KMT2C: variants seen among roughly 807,000 people sequenced by gnomAD.
KMT2C encodes lysine methyltransferase 2C.
In KMT2C, 88 loss-of-function variants were observed where a neutral mutation model predicts 507.9. The ratio of observed to expected loss-of-function variants is 0.17; its 90% CI spans 0.15 to 0.21. KMT2C has a LOEUF of 0.21. Among genes scored for constraint, KMT2C ranks in the 10% least tolerant of loss-of-function variants. KMT2C has a pLI of 1.00. For synonymous variants in KMT2C, 2,049 were observed against 2,080.8 expected, an observed-to-expected ratio of 0.98 and a Z score of 0.42; for missense variants, 4,954 against 5,957.8, an observed-to-expected ratio of 0.83 and a Z score of 5.55.
At chr7:152,313,830 A>G (rs1056113043) in intron 4 of KMT2C, among the ~76,000 whole-genome samples, 3 of 152,160 alleles carry the variant, frequency 2.0e-5, no homozygotes, top group Non-Finnish European at 2.9e-5. Context: ...CTATTTTTAT[A>G]TAATTATCTG....
intron 3 of KMT2C, among the ~76,000 whole-genome samples, chr7:152,315,732 C>T (rs2096716524): frequency 6.6e-6 from 1 of 152,132 alleles, no homozygotes; most frequent in Non-Finnish European, 1.5e-5. Context: ...GCCTGTCCAA[C>T]GTGGTGAAAC....
chr7:152,156,489 C>T (rs967427570), intron 44 of KMT2C, 143 bp from the exon 45 acceptor site: 1 of 1,026,596 alleles, frequency 9.7e-7, no homozygotes, highest in Admixed American at 2.9e-5. Flanking sequence ...ACCAAGAAAA[C>T]AATACCTACA....
chr7:152,293,538 CA>C (rs1028607835), intron 6 of KMT2C, among the ~76,000 whole-genome samples: 11 of 152,114 alleles, frequency 7.2e-5, no homozygotes. Flanking sequence ...ATGCATCCTT[CA>C]CAAGATATTT....
rs764989635 is a variant in KMT2C at position 152,162,642 on chromosome 7, T to C, written c.10935A>G (p.Ala3645=). 21 of 1,614,130 alleles carry C rather than the reference T, an allele frequency of 1.3e-5. No homozygotes were observed. The highest frequency in any genetic ancestry group is 1.1e-4 in the South Asian group (10 of 91,094). Residue 3645 remains alanine (A), a synonymous_variant, in exon 43 of 59, where the codon GCA becomes GCG. Coordinates refer to ENST00000262189, the MANE Select transcript of KMT2C (RefSeq NM_170606.3). ...PGISETTSTP[A]VSTPSELPQQ... is the part of the protein sequence containing the mutation. ...GAGGAAGCTCACTGGGTGTGCTCAC[T>C]GCAGGAGTAGAGGTAGTTTCTGAGA...
rs2096771861 is a variant in KMT2C at position 152,321,373 on chromosome 7, A to G, written c.390-6035T>C. ...TGAATATAAAATTGATATAAAATAT[A>G]AAATACTGAATATAAAAATTTCAAT... On this transcript the variant is annotated intron_variant, in intron 3 of 58. Transcript: ENST00000262189. Among the ~76,000 whole-genome samples, 4 of 151,636 alleles carry G rather than the reference A, an allele frequency of 2.6e-5. No individual in the cohort carries two copies. The South Asian group carries it at 8.3e-4, about 31-fold the overall frequency.
intron 6 of KMT2C, among the ~76,000 whole-genome samples, chr7:152,298,432 A>T (rs2096535797): frequency 1.3e-5 from 2 of 152,214 alleles, no homozygotes; most frequent in African/African-American, 4.8e-5. Context: ...TAGAAGAACA[A>T]AGATAAGAAC....
At chr7:152,404,450 C>T (rs2747126) in intron 1 of KMT2C, among the ~76,000 whole-genome samples, 1,443 of 101,810 alleles carry the variant, frequency 0.014, no homozygotes, top group African/African-American at 0.055. Context: ...GCCTGGTCAA[C>T]ATGCTGAAAC....
chr7:152,255,140 T>C lies in KMT2C; in HGVS notation c.1300-2425A>G, dbSNP rs1322134956. ...ATATATATATATATATATATATATA[T>C]ATATACATATATATATATGTGTGTG... is the stretch of plus-strand genomic sequence containing the variant. On this transcript the variant is annotated intron_variant, in intron 9 of 58. Coordinates refer to ENST00000262189, the MANE Select transcript of KMT2C (RefSeq NM_170606.3). 1.6e-3 allele frequency among the ~76,000 whole-genome samples: 204 copies of C among 125,428 alleles called. 2 individuals carry two copies. Among genetic ancestry groups the C allele is most frequent in the African/African-American group, 6.5e-3 (192 of 29,656 alleles). 82.3% of individuals were successfully genotyped at this position (125,428 alleles called of 152,430 possible).
At chr7:152,367,734 C>A in intron 1 of KMT2C, 1 of 1,160,484 alleles carries the variant, frequency 8.6e-7, no homozygotes, top group South Asian at 1.2e-5. Flanking sequence ...TTGCTGGCAG[C>A]CTCTTATCGA....
intron 23 of KMT2C, among the ~76,000 whole-genome samples, chr7:152,218,883 G>A (rs1454803583): frequency 6.6e-6 from 1 of 152,058 alleles, no homozygotes; most frequent in Non-Finnish European, 1.5e-5. Flanking sequence ...AGGTAATCAA[G>A]TGGCTCACTC....
chr7:152,327,564 T>C (rs1002863518), intron 3 of KMT2C, among the ~76,000 whole-genome samples: 11 of 152,212 alleles, frequency 7.2e-5, no homozygotes, highest in African/African-American at 2.7e-4. Context: ...CTAATCTCTA[T>C]ATAACACATA....
chr7:152,344,635 AGAG>A (rs968855837), intron 2 of KMT2C, among the ~76,000 whole-genome samples: 16 of 151,790 alleles, frequency 1.1e-4, no homozygotes, highest in African/African-American at 3.6e-4. Flanking sequence ...AAAAAAAAAA[AGAG>A]AGAACTGTGC....
intron 4 of KMT2C, among the ~76,000 whole-genome samples, chr7:152,313,126 T>C (rs895578267): frequency 1.3e-5 from 2 of 152,160 alleles, no homozygotes; most frequent in Non-Finnish European, 2.9e-5. Context: ...TAACTTTAAA[T>C]TCTCATTTTA....
At chr7:152,218,301 T>A (rs1291129972) in intron 23 of KMT2C, among the ~76,000 whole-genome samples, 1 of 152,016 alleles carries the variant, frequency 6.6e-6, no homozygotes. Flanking sequence ...GTAGCTGGGA[T>A]TACAGGTGCC....
At chr7:152,351,878 A>G (rs1041801168) in intron 2 of KMT2C, among the ~76,000 whole-genome samples, 3 of 152,168 alleles carry the variant, frequency 2.0e-5, no homozygotes, top group African/African-American at 7.2e-5. Flanking sequence ...CCCTGTGATG[A>G]TTGCATTAAC....
At chr7:152,248,929 G>T (rs1357363765) in intron 13 of KMT2C, among the ~76,000 whole-genome samples, 1 of 152,096 alleles carries the variant, frequency 6.6e-6, no homozygotes, top group Non-Finnish European at 1.5e-5. Flanking sequence ...CATGTTATGT[G>T]AGGTACCTAA....
intron 6 of KMT2C, among the ~76,000 whole-genome samples, chr7:152,297,079 G>A (rs10230927): frequency 0.024 from 3,084 of 131,114 alleles, 228 homozygotes; most frequent in African/African-American, 0.11. Context: ...GAGAGAGAGA[G>A]AGAGAGAGAG....
chr7:152,319,495 T>C (rs1472661253), intron 3 of KMT2C, among the ~76,000 whole-genome samples: 1 of 152,036 alleles, frequency 6.6e-6, no homozygotes, highest in Non-Finnish European at 1.5e-5. Flanking sequence ...TGTTGCCAAG[T>C]GGACCGTGGT....
intron 23 of KMT2C, among the ~76,000 whole-genome samples, chr7:152,209,212 T>C (rs1464703794): frequency 6.7e-6 from 1 of 150,134 alleles, no homozygotes; most frequent in Non-Finnish European, 1.5e-5. Flanking sequence ...ATCCCAGCAC[T>C]TTGGGAGGCC....
Sources: gnomAD v4.1 joint callset for allele counts (sites outside exome capture counted in the v4.1 genomes callset) on GRCh38, gnomAD v4.1.1 for gene constraint, MANE v1.5 for transcripts, NCBI Gene and HGNC (gene_info 2026-07-23, HGNC 2026-07-21) for gene names.